HUNK: variants seen among roughly 807,000 people sequenced by gnomAD.
The protein encoded by HUNK is hormonally up-regulated neu tumor-associated kinase.
HUNK carries 21 observed loss-of-function variants against 61.0 expected under a neutral mutation model. The ratio of observed to expected loss-of-function variants is 0.34; its 90% CI spans 0.24 to 0.50. HUNK has a LOEUF of 0.50. HUNK is among the 20% of genes least tolerant of loss of function. The pLI is 0.98. For missense variants in HUNK, 772 were observed against 945.7 expected, an observed-to-expected ratio of 0.82 and a Z score of 2.41; for synonymous variants, 371 against 386.1, an observed-to-expected ratio of 0.96 and a Z score of 0.46.
At chr21:31,886,162 C>T (rs1218233129) in intron 1 of HUNK, among the ~76,000 whole-genome samples, 1 of 152,180 alleles carries the variant, frequency 6.6e-6, no homozygotes, top group Non-Finnish European at 1.5e-5. Flanking sequence ...TGGCTCACGC[C>T]TATAATCTTA....
chr21:31,984,008 T>C (rs759773360), intron 8 of HUNK, among the ~76,000 whole-genome samples: 9 of 152,110 alleles, frequency 5.9e-5, no homozygotes, highest in Non-Finnish European at 1.0e-4. Context: ...GTTTCACTCA[T>C]ATGTGAGTGA....
chr21:31,992,666 A>C (rs2053179424), intron 9 of HUNK, among the ~76,000 whole-genome samples: 1 of 152,206 alleles, frequency 6.6e-6, no homozygotes, highest in African/African-American at 2.4e-5. Flanking sequence ...AGGAGCTTGC[A>C]TGTGGAAGGG....
intron 1 of HUNK, among the ~76,000 whole-genome samples, chr21:31,878,593 G>C (rs1244870156): frequency 2.0e-5 from 3 of 152,184 alleles, no homozygotes; most frequent in Middle Eastern, 3.4e-3. Flanking sequence ...AAATTAGCTG[G>C]GTGTGGTGGT....
chr21:31,912,038 G>A (rs986900510), intron 1 of HUNK, among the ~76,000 whole-genome samples: 2 of 152,172 alleles, frequency 1.3e-5, no homozygotes, highest in African/African-American at 4.8e-5. Context: ...TTGGCATTTG[G>A]CGTCAGTTGT....
At chr21:31,935,593 CCTGGCAGCCA>C in intron 2 of HUNK, among the ~76,000 whole-genome samples, 1 of 152,288 alleles carries the variant, frequency 6.6e-6, no homozygotes, top group East Asian at 1.9e-4. Flanking sequence ...CACCCCAACC[CCTGGCAGCCA>C]CTGCTCTTTT....
chr21:31,941,309 C>CTT (rs1202027816), intron 3 of HUNK, among the ~76,000 whole-genome samples: 1 of 137,308 alleles, frequency 7.3e-6, no homozygotes, highest in African/African-American at 2.6e-5. Context: ...TTCTCTCTCT[C>CTT]TTTTTTTTTT....
chr21:31,950,991 C>T (rs970159458), intron 4 of HUNK, among the ~76,000 whole-genome samples: 1 of 151,972 alleles, frequency 6.6e-6, no homozygotes, highest in Non-Finnish European at 1.5e-5. Flanking sequence ...GGAAAGAAAG[C>T]TCTTCCCTAC....
chr21:31,933,054 T>C (rs1314858357), intron 2 of HUNK, among the ~76,000 whole-genome samples: 1 of 151,826 alleles, frequency 6.6e-6, no homozygotes, highest in Non-Finnish European at 1.5e-5. Flanking sequence ...TAGCTGAGAC[T>C]ACAGGCGCCC....
At chr21:31,986,805 G>T (rs1315802788) in intron 8 of HUNK, among the ~76,000 whole-genome samples, 1 of 152,134 alleles carries the variant, frequency 6.6e-6, no homozygotes, top group South Asian at 2.1e-4. Flanking sequence ...CCCAGAGCAA[G>T]ATCACCTCCC....
chr21:31,877,545 T>A (rs1028373006), intron 1 of HUNK, among the ~76,000 whole-genome samples: 7 of 151,976 alleles, frequency 4.6e-5, no homozygotes, highest in Non-Finnish European at 7.3e-5. Context: ...GTGTCCTCCT[T>A]TGAGTTAATG....
intron 8 of HUNK, among the ~76,000 whole-genome samples, chr21:31,987,460 G>A (rs145652645): frequency 2.4e-3 from 371 of 152,276 alleles, no homozygotes; most frequent in Non-Finnish European, 4.3e-3. Flanking sequence ...CCTGGTCCAC[G>A]CTGACCTGAC....
At chr21:31,964,932 G>A (rs1056213377) in intron 5 of HUNK, among the ~76,000 whole-genome samples, 6 of 152,168 alleles carry the variant, frequency 3.9e-5, no homozygotes, top group African/African-American at 7.2e-5. Flanking sequence ...ACCCTGGGTT[G>A]TTGCCCAAGT....
intron 8 of HUNK, among the ~76,000 whole-genome samples, chr21:31,987,272 A>G (rs938206272): frequency 6.6e-6 from 1 of 152,196 alleles, no homozygotes; most frequent in African/African-American, 2.4e-5. Context: ...TCTTATGGTC[A>G]CCTGCACTGA....
At chr21:31,962,688 C>A (rs1163031445) in intron 5 of HUNK, among the ~76,000 whole-genome samples, 1 of 152,246 alleles carries the variant, frequency 6.6e-6, no homozygotes, top group Non-Finnish European at 1.5e-5. Flanking sequence ...ATTTCTATAT[C>A]TGATTTTCTA....
chr21:31,997,848 A>G (rs900142004), intron 10 of HUNK, among the ~76,000 whole-genome samples: 2 of 152,150 alleles, frequency 1.3e-5, no homozygotes, highest in African/African-American at 4.8e-5. Flanking sequence ...TGGGAGTTTT[A>G]TGGATGTGCT....
chr21:31,927,373 A>C (rs1415826317), intron 2 of HUNK, among the ~76,000 whole-genome samples: 1 of 206 alleles, frequency 4.9e-3, no homozygotes, highest in Non-Finnish European at 0.015. Context: ...GGCCGGGCGC[A>C]GTGCTCACGC....
intron 5 of HUNK, among the ~76,000 whole-genome samples, chr21:31,960,709 G>GT: frequency 6.6e-6 from 1 of 152,222 alleles, no homozygotes; most frequent in Non-Finnish European, 1.5e-5. Flanking sequence ...ATCAGATCTC[G>GT]TGAGACTTAT....
At chr21:31,960,709 G>T (rs1032210241) in intron 5 of HUNK, among the ~76,000 whole-genome samples, 3 of 152,104 alleles carry the variant, frequency 2.0e-5, no homozygotes, top group Non-Finnish European at 4.4e-5. Context: ...ATCAGATCTC[G>T]TGAGACTTAT....
chr21:31,974,459 T>A (rs990776934), intron 6 of HUNK, 96 bp from the exon 7 acceptor site: 2 of 1,139,618 alleles, frequency 1.8e-6, no homozygotes, highest in South Asian at 3.7e-5. Flanking sequence ...AGTGAATGAA[T>A]GAGTGAATGA....
Sources: gnomAD v4.1 joint callset for allele counts (sites outside exome capture counted in the v4.1 genomes callset) on GRCh38, gnomAD v4.1.1 for gene constraint, MANE v1.5 for transcripts, NCBI Gene and HGNC (gene_info 2026-07-23, HGNC 2026-07-21) for gene names.